Variants in HAVCR1 observed in about 807,000 individuals in gnomAD.
The protein encoded by HAVCR1 is T cell immunoglobin domain and mucin domain protein 1.
HAVCR1 carries 34 observed loss-of-function variants against 32.0 expected under a neutral mutation model. That is an observed-to-expected ratio of 1.06 (90% CI 0.81 to 1.42). HAVCR1 has a LOEUF of 1.42. Ranked by LOEUF, HAVCR1 falls within the 40% of genes most tolerant of loss-of-function variation. The pLI is 0.00. For missense variants in HAVCR1, 420 were observed against 442.3 expected, an observed-to-expected ratio of 0.95 and a Z score of 0.45; for synonymous variants, 178 against 170.3, an observed-to-expected ratio of 1.05 and a Z score of -0.35.
intron 6 of HAVCR1, among the ~76,000 whole-genome samples, chr5:157,038,980 G>A (rs989172997): frequency 3.3e-5 from 5 of 152,200 alleles, no homozygotes; most frequent in Admixed American, 1.3e-4. Context: ...CTGGCCAGGC[G>A]TGGTGATGCA....
intron 8 of HAVCR1, among the ~76,000 whole-genome samples, chr5:157,031,083 G>A (rs1336950300): frequency 2.7e-5 from 4 of 149,968 alleles, no homozygotes; most frequent in East Asian, 2.0e-4. Flanking sequence ...GCACAGATTC[G>A]TGAGATTGAG....
chr5:157,057,407 GAAAGAAAGA>G (rs1756248533), intron 2 of HAVCR1, among the ~76,000 whole-genome samples: 1 of 97,662 alleles, frequency 1.0e-5, no homozygotes, highest in African/African-American at 3.5e-5. Context: ...AAGAAAGAAA[GAAAGAAAGA>G]AAGAAAGAAA....
chr5:157,045,616 TA>T (rs147859844), intron 5 of HAVCR1, among the ~76,000 whole-genome samples: 2,058 of 152,318 alleles, frequency 0.014, 20 homozygotes, highest in Non-Finnish European at 0.021. Flanking sequence ...GCAATAGCAT[TA>T]AATATGGCCT....
the HAVCR1 span, among the ~76,000 whole-genome samples, chr5:157,067,238 A>G: frequency 6.6e-6 from 1 of 152,198 alleles, no homozygotes; most frequent in Non-Finnish European, 1.5e-5. Flanking sequence ...TAATCTTCCC[A>G]TGTATTTCTC....
chr5:157,059,639 C>T (rs1756426391), upstream of HAVCR1, among the ~76,000 whole-genome samples: 1 of 152,098 alleles, frequency 6.6e-6, no homozygotes, highest in African/African-American at 2.4e-5. Context: ...CAAGCCATTG[C>T]ACTCTAGCCT....
At chr5:157,050,384 T>C (rs1262514914) in intron 4 of HAVCR1, among the ~76,000 whole-genome samples, 1 of 152,084 alleles carries the variant, frequency 6.6e-6, no homozygotes. Flanking sequence ...CATACAATTG[T>C]TCCCTGGAGT....
chr5:157,064,568 A>G, the HAVCR1 span, among the ~76,000 whole-genome samples: 1 of 151,986 alleles, frequency 6.6e-6, no homozygotes, highest in Non-Finnish European at 1.5e-5. Flanking sequence ...GCCAATTAAG[A>G]CAAGGAGAGC....
chr5:157,062,447 C>T (rs1581741229), upstream of HAVCR1, among the ~76,000 whole-genome samples: 1 of 152,334 alleles, frequency 6.6e-6, no homozygotes, highest in East Asian at 1.9e-4. Context: ...TCCCTGCTAT[C>T]TCAGCGCACA....
chr5:157,044,368 C>CGAAGGAAGGAAG lies in HAVCR1; in HGVS notation c.782-1698_782-1687dup, dbSNP rs573183336. On this transcript the variant is annotated intron_variant, in intron 5 of 8. Transcript: ENST00000523175. ...GGGAAGGGAAGGGAGAAAGAAAGGA[C>CGAAGGAAGGAAG]GAAGGAAGGAAGGAAGGAAGGAAGG... Among the ~76,000 whole-genome samples the CGAAGGAAGGAAG allele has an allele frequency of 1.0e-3, 32 of 31,332 alleles. 1 individual carries two copies. Among genetic ancestry groups the CGAAGGAAGGAAG allele is most frequent in the African/African-American group, 1.3e-3 (11 of 8,442 alleles). 20.6% of individuals were successfully genotyped at this position (31,332 alleles called of 152,430 possible). A position where few individuals can be genotyped will look rare whatever the true frequency, so the allele number is the denominator to read the frequency against.
At chr5:157,049,862 T>C (rs570425039) in intron 4 of HAVCR1, among the ~76,000 whole-genome samples, 1 of 152,340 alleles carries the variant, frequency 6.6e-6, no homozygotes, top group South Asian at 2.1e-4. Flanking sequence ...CTTACACTTC[T>C]CACGGTAAAG....
chr5:157,034,786 C>T (rs988364330), intron 7 of HAVCR1, among the ~76,000 whole-genome samples: 1 of 143,484 alleles, frequency 7.0e-6, no homozygotes, highest in Admixed American at 7.1e-5. Flanking sequence ...TAACAAAGCA[C>T]CTCCTGCACA....
At chr5:157,063,875 A>G (rs770720369), upstream of HAVCR1, among the ~76,000 whole-genome samples, 2 of 152,228 alleles carry the variant, frequency 1.3e-5, no homozygotes, top group Non-Finnish European at 2.9e-5. Context: ...CTTTCCATGG[A>G]GACAGACAAG....
At chr5:157,039,131 T>C (rs1173303368) in intron 6 of HAVCR1, among the ~76,000 whole-genome samples, 1 of 152,130 alleles carries the variant, frequency 6.6e-6, no homozygotes, top group Non-Finnish European at 1.5e-5. Context: ...AATAAATAAA[T>C]AAACCATAAC....
the HAVCR1 span, among the ~76,000 whole-genome samples, chr5:157,067,151 T>C: frequency 6.6e-6 from 1 of 152,206 alleles, no homozygotes; most frequent in Admixed American, 6.5e-5. Flanking sequence ...TAGGAGGTCA[T>C]GTGGTTGATG....
rs745542725 is a variant in HAVCR1, at chr5:157,042,668, C to T, written c.796G>A (p.Val266Met). 2.4e-5 allele frequency: 38 copies of T among 1,586,388 alleles called. No homozygotes were observed. Among genetic ancestry groups the T allele is most frequent in the Admixed American group, 5.0e-5 (3 of 59,466 alleles). ...YSYTTDGNDT[V>M]TESSDGLWNN... ...CAAAGGCCATCTGAAGACTCTGTCA[C>T]GGTGTCATTCCCATCTACTCAACAA... The change falls in exon 6 of 9, where the codon GTG becomes ATG. Residue 266 changes from valine (V) to methionine (M), a missense_variant. Transcript: ENST00000523175.
intron 5 of HAVCR1, among the ~76,000 whole-genome samples, chr5:157,048,747 G>A (rs993232806): frequency 3.3e-4 from 50 of 151,940 alleles, no homozygotes; most frequent in Non-Finnish European, 5.7e-4. Context: ...GGAGAATGGC[G>A]TGAACCTGGG....
intron 6 of HAVCR1, among the ~76,000 whole-genome samples, chr5:157,040,181 C>A (rs1043612647): frequency 6.7e-6 from 1 of 148,788 alleles, no homozygotes; most frequent in East Asian, 1.9e-4. Flanking sequence ...GCCTGTAATC[C>A]CAGCTACTCG....
chr5:157,057,981 G>A lies in HAVCR1; in HGVS notation c.-12-26C>T, dbSNP rs112079259. On this transcript the variant is annotated intron_variant, in intron 1 of 8. Transcript: ENST00000523175. ...CTGAAGGAAAATGAGCAGACAGGCT[G>A]GTTGGTACCCTCCACCAGATGGTAT... 9.8e-4 allele frequency: 1,509 copies of A among 1,546,574 alleles called. 10 individuals carry two copies. The African/African-American group carries it at 0.017, about 17-fold the overall frequency.
intron 6 of HAVCR1, among the ~76,000 whole-genome samples, chr5:157,040,380 T>C (rs17054133): frequency 0.22 from 33,364 of 152,088 alleles, 3,881 homozygotes; most frequent in Middle Eastern, 0.35. Context: ...TAGCCACACG[T>C]CAACACATTG....
Sources: allele counts gnomAD v4.1 joint callset (sites outside exome capture counted in the v4.1 genomes callset), GRCh38; gene constraint gnomAD v4.1.1; transcripts MANE v1.5; gene names NCBI Gene and HGNC (gene_info 2026-07-23, HGNC 2026-07-21).